The following ACOXL variants were observed in gnomAD, a reference collection of about 807,000 sequenced individuals.
ACOXL encodes acyl-CoA oxidase like, also known as acyl-coenzyme A oxidase-like protein.
A neutral mutation model predicts 71.9 loss-of-function variants in ACOXL; 70 were observed. That is an observed-to-expected ratio of 0.97 (90% CI 0.80 to 1.19). The LOEUF is 1.19. ACOXL is among the 50% of genes most tolerant of loss of function. The pLI is 0.00. For synonymous variants in ACOXL, 253 were observed against 281.6 expected, an observed-to-expected ratio of 0.90 and a Z score of 1.02; for missense variants, 703 against 736.3, an observed-to-expected ratio of 0.95 and a Z score of 0.52.
chr2:111,081,202 A>G (rs2067897503), intron 16 of ACOXL, among the ~76,000 whole-genome samples: 1 of 152,230 alleles, frequency 6.6e-6, no homozygotes, highest in South Asian at 2.1e-4. Flanking sequence ...AATAAAGGAT[A>G]TTCAAATAGG....
chr2:110,769,766 G>A (rs907280111), intron 2 of ACOXL, among the ~76,000 whole-genome samples: 6 of 152,108 alleles, frequency 3.9e-5, no homozygotes, highest in Non-Finnish European at 7.4e-5. Context: ...ACCAGGAGGC[G>A]GAGGTTGCGG....
At chr2:110,947,523 A>G (rs2061153192) in intron 12 of ACOXL, among the ~76,000 whole-genome samples, 1 of 152,184 alleles carries the variant, frequency 6.6e-6, no homozygotes, top group Admixed American at 6.5e-5. Context: ...AGAACATGGT[A>G]GATATTCAAT....
At chr2:110,998,104 T>C (rs1453151176) in intron 14 of ACOXL, among the ~76,000 whole-genome samples, 2 of 152,180 alleles carry the variant, frequency 1.3e-5, no homozygotes, top group Non-Finnish European at 2.9e-5. Flanking sequence ...AACATGATTT[T>C]TTAAAAAACT....
intron 9 of ACOXL, among the ~76,000 whole-genome samples, chr2:110,829,561 G>A (rs111680812): frequency 6.6e-6 from 1 of 152,208 alleles, no homozygotes; most frequent in African/African-American, 2.4e-5. Context: ...GATCGAGGGT[G>A]CTTTTGCTCC....
intron 9 of ACOXL, among the ~76,000 whole-genome samples, chr2:110,807,152 G>T (rs1295638222): frequency 6.6e-6 from 1 of 152,228 alleles, no homozygotes; most frequent in African/African-American, 2.4e-5. Context: ...GCAACACGGA[G>T]ACGTGATCAT....
Position 110,908,864 on chromosome 2 carries a change from G to T in ACOXL, c.864G>T (p.Met288Ile), listed in dbSNP as rs1226407481. 1.2e-6 allele frequency: 2 copies of T among 1,614,070 alleles called. No homozygotes were observed. The highest frequency in any genetic ancestry group is 2.2e-5 in the South Asian group (2 of 91,052). ...ACCAAACACAGACCCTGCGGCTGAT[G>T]CCCCACCTGGCCACAGCCTTGGCCC... is the stretch of plus-strand genomic sequence containing the variant. ...IEHQTQTLRL[M>I]PHLATALALT... Residue 288 changes from methionine to isoleucine, a missense_variant, in exon 11 of 18, where the codon ATG (methionine) becomes ATT (isoleucine). Met to Ile is a conservative substitution (Grantham distance 10). Coordinates refer to ENST00000439055, the MANE Select transcript of ACOXL (RefSeq NM_001142807.4).
intron 12 of ACOXL, among the ~76,000 whole-genome samples, chr2:110,961,813 G>A (rs567026771): frequency 1.3e-5 from 2 of 152,304 alleles, no homozygotes; most frequent in Admixed American, 1.3e-4. Context: ...TTACATGGTG[G>A]CAGGCAAGAG....
chr2:110,843,053 C>T (rs1315046731), intron 10 of ACOXL, among the ~76,000 whole-genome samples: 1 of 152,162 alleles, frequency 6.6e-6, no homozygotes, highest in Non-Finnish European at 1.5e-5. Context: ...ACCCTAAAAC[C>T]AACTGTGTGG....
At chr2:110,855,516 A>T (rs1181720437) in intron 10 of ACOXL, among the ~76,000 whole-genome samples, 1 of 152,260 alleles carries the variant, frequency 6.6e-6, no homozygotes, top group Non-Finnish European at 1.5e-5. Flanking sequence ...GCAACTTTAC[A>T]GGAGAAGATA....
intron 12 of ACOXL, among the ~76,000 whole-genome samples, chr2:110,940,168 C>T (rs2060815804): frequency 6.6e-6 from 1 of 152,132 alleles, no homozygotes; most frequent in Admixed American, 6.5e-5. Context: ...TATTTTGTGT[C>T]ATCTTTTAAA....
intron 16 of ACOXL, among the ~76,000 whole-genome samples, chr2:111,078,717 T>G (rs1228713853): frequency 1.3e-5 from 2 of 152,250 alleles, no homozygotes; most frequent in Admixed American, 6.5e-5. Context: ...CATCCGTTGA[T>G]TGACCTTTTT....
At chr2:110,946,238 C>G (rs767725145) in intron 12 of ACOXL, among the ~76,000 whole-genome samples, 1 of 152,204 alleles carries the variant, frequency 6.6e-6, no homozygotes, top group Non-Finnish European at 1.5e-5. Flanking sequence ...ATTTTCTATC[C>G]TGAAACTTTG....
At chr2:110,831,526 C>T (rs1689823881) in intron 9 of ACOXL, among the ~76,000 whole-genome samples, 1 of 152,144 alleles carries the variant, frequency 6.6e-6, no homozygotes, top group African/African-American at 2.4e-5. Flanking sequence ...GTCAATTCTC[C>T]TCAGATTTAA....
intron 12 of ACOXL, among the ~76,000 whole-genome samples, chr2:110,965,271 T>A (rs571940051): frequency 1.3e-5 from 2 of 152,358 alleles, no homozygotes; most frequent in Admixed American, 6.5e-5. Flanking sequence ...TTGTGACTAG[T>A]GCTGCAATAA....
At chr2:111,016,972 G>C (rs1239136207) in intron 14 of ACOXL, among the ~76,000 whole-genome samples, 1 of 152,216 alleles carries the variant, frequency 6.6e-6, no homozygotes, top group Non-Finnish European at 1.5e-5. Flanking sequence ...ACAAGACAGA[G>C]CTCAGTTTCA....
At chr2:110,854,238 G>T (rs1692971784) in intron 10 of ACOXL, among the ~76,000 whole-genome samples, 1 of 152,174 alleles carries the variant, frequency 6.6e-6, no homozygotes, top group African/African-American at 2.4e-5. Context: ...GAAGAGATTT[G>T]CAGGCACACA....
intron 2 of ACOXL, among the ~76,000 whole-genome samples, chr2:110,783,483 T>C (rs1683579961): frequency 6.6e-6 from 1 of 152,120 alleles, no homozygotes; most frequent in African/African-American, 2.4e-5. Flanking sequence ...GAGAGAAACA[T>C]TGTAAAAACC....
chr2:111,093,955 A>G, intron 17 of ACOXL: 1 of 155,312 alleles, frequency 6.4e-6, no homozygotes. Context: ...ACTTGGCCAT[A>G]AGAATAAATT....
chr2:110,938,958 G>T (rs2060768725), intron 12 of ACOXL, among the ~76,000 whole-genome samples: 2 of 151,986 alleles, frequency 1.3e-5, no homozygotes, highest in South Asian at 4.2e-4. Context: ...TTTAAAACCT[G>T]CACAACCCAT....
Sources: allele counts gnomAD v4.1 joint callset (sites outside exome capture counted in the v4.1 genomes callset), GRCh38; gene constraint gnomAD v4.1.1; transcripts MANE v1.5; gene names NCBI Gene and HGNC (gene_info 2026-07-23, HGNC 2026-07-21).